The following SLC2A13 variants were observed in gnomAD, a reference collection of about 807,000 sequenced individuals.
SLC2A13 encodes the protein solute carrier family 2 member 13.
In SLC2A13, 32 loss-of-function variants were observed where a neutral mutation model predicts 64.4. That is an observed-to-expected ratio of 0.50 (90% CI 0.37 to 0.67). The LOEUF (loss-of-function observed/expected upper bound fraction) is 0.67. SLC2A13 is among the 30% of genes least tolerant of loss of function. The pLI, the probability that SLC2A13 is intolerant of heterozygous loss-of-function variation, is 0.00. For synonymous variants in SLC2A13, 338 were observed against 327.1 expected (o/e 1.03, Z -0.36); for missense variants, 743 against 829.2 (o/e 0.90, Z 1.28).
rs376007519 is a variant in SLC2A13, at chr12:39,830,077, T to C, written c.1445+26A>G. 372 of 1,612,888 alleles carry C rather than the reference T, an allele frequency of 2.3e-4. 2 individuals are homozygous for C. In the South Asian group the frequency reaches 2.4e-3, roughly 10 times the overall value. On this transcript the variant is annotated intron_variant, in intron 7 of 9. Coordinates refer to ENST00000280871, the MANE Select transcript of SLC2A13 (RefSeq NM_052885.4). ...CCTCGTTTTGAAATATTATTATATA[T>C]TCGTATGGTAAAATGAGTGATATAC...
intron 1 of SLC2A13, among the ~76,000 whole-genome samples, chr12:40,058,554 G>A (rs1948369705): frequency 6.6e-6 from 1 of 152,014 alleles, no homozygotes. Context: ...AAAAAAGAGA[G>A]GGAACGTCAT....
intron 7 of SLC2A13, among the ~76,000 whole-genome samples, chr12:39,797,803 C>T (rs75429034): frequency 0.025 from 3,844 of 151,302 alleles, 160 homozygotes; most frequent in African/African-American, 0.088. Context: ...GAAAACCGGT[C>T]GTAATTCAAC....
At chr12:39,761,781 G>A (rs1318114434) in intron 9 of SLC2A13, among the ~76,000 whole-genome samples, 1 of 152,010 alleles carries the variant, frequency 6.6e-6, no homozygotes, top group Non-Finnish European at 1.5e-5. Context: ...AGTACAGATG[G>A]TAAAACATTT....
In SLC2A13 at chr12:39,907,639, A is replaced by G. The variant is rs527814258; in HGVS notation, c.1035-35678T>C. On this transcript the variant is annotated intron_variant, in intron 4 of 9. Coordinates refer to ENST00000280871, the MANE Select transcript of SLC2A13 (RefSeq NM_052885.4). ...TACAATTCCTCTACCCATAGATTAC[A>G]ATTCACCTACCCATTACTTTGGAAA... is the stretch of plus-strand genomic sequence containing the variant. 2.6e-5 allele frequency: 4 copies of G among 152,272 alleles called. No individual in the cohort carries two copies. The East Asian group carries it at 7.7e-4, about 29-fold the overall frequency. The allele number at this position is 152,272 out of a possible 1,614,324, so 9.4% of individuals were successfully genotyped here. A position where few individuals can be genotyped will look rare whatever the true frequency, so the allele number is the denominator to read the frequency against.
At chr12:39,816,419 G>A (rs1358913728) in intron 7 of SLC2A13, among the ~76,000 whole-genome samples, 18 of 134,746 alleles carry the variant, frequency 1.3e-4, no homozygotes, top group Admixed American at 1.2e-3. Context: ...ATCACACCCC[G>A]GGGCCTGTTG....
chr12:40,076,817 G>C (rs1412251717), intron 1 of SLC2A13, among the ~76,000 whole-genome samples: 1 of 151,716 alleles, frequency 6.6e-6, no homozygotes, highest in African/African-American at 2.4e-5. Flanking sequence ...CATGTTTTTC[G>C]TATGCTTTTT....
intron 3 of SLC2A13, among the ~76,000 whole-genome samples, chr12:39,993,916 A>G (rs1947180556): frequency 6.6e-6 from 1 of 152,222 alleles, no homozygotes; most frequent in Non-Finnish European, 1.5e-5. Context: ...CTAATTGAAA[A>G]GCAAGGAGCA....
At chr12:39,827,537 T>C (rs1942729834) in intron 7 of SLC2A13, among the ~76,000 whole-genome samples, 1 of 152,180 alleles carries the variant, frequency 6.6e-6, no homozygotes, top group African/African-American at 2.4e-5. Flanking sequence ...CACTCTTTTG[T>C]GACGCTTGGG....
At chr12:39,961,774 TA>T (rs1946418015) in intron 3 of SLC2A13, among the ~76,000 whole-genome samples, 1 of 151,214 alleles carries the variant, frequency 6.6e-6, no homozygotes, top group Admixed American at 6.6e-5. Context: ...GCGCTGTGAT[TA>T]CAGGTGTGAG....
At chr12:39,763,816 C>T (rs1940250932) in intron 9 of SLC2A13, among the ~76,000 whole-genome samples, 3 of 152,222 alleles carry the variant, frequency 2.0e-5, no homozygotes, top group South Asian at 2.1e-4. Context: ...TTTCCTGACT[C>T]AGCCACTAAG....
intron 1 of SLC2A13, among the ~76,000 whole-genome samples, chr12:40,095,612 A>C (rs1938912046): frequency 6.6e-6 from 1 of 152,252 alleles, no homozygotes; most frequent in African/African-American, 2.4e-5. Context: ...AAAATTACAT[A>C]TTGCATATCT....
At chr12:39,773,430 A>C (rs146201033) in intron 7 of SLC2A13, among the ~76,000 whole-genome samples, 117 of 152,308 alleles carry the variant, frequency 7.7e-4, no homozygotes, top group Middle Eastern at 6.8e-3. Flanking sequence ...ACATGTAGAA[A>C]TTAACAGCTC....
At chr12:40,072,747 T>C (rs1191803570) in intron 1 of SLC2A13, among the ~76,000 whole-genome samples, 2 of 152,114 alleles carry the variant, frequency 1.3e-5, no homozygotes, top group African/African-American at 4.8e-5. Context: ...TTTTAATCCA[T>C]GTGTATTTAT....
chr12:39,844,166 T>C (rs1943248536), intron 6 of SLC2A13, among the ~76,000 whole-genome samples: 1 of 152,094 alleles, frequency 6.6e-6, no homozygotes, highest in South Asian at 2.1e-4. Context: ...CTCCTTCCAA[T>C]ATAGTTAACT....
chr12:39,918,012 T>G (rs1309788640), intron 4 of SLC2A13, among the ~76,000 whole-genome samples: 2 of 152,066 alleles, frequency 1.3e-5, no homozygotes, highest in African/African-American at 2.4e-5. Flanking sequence ...TGATTGACAA[T>G]GAGGAAATGT....
In SLC2A13 at chr12:39,896,395, T is replaced by C. The variant is rs991372065; in HGVS notation, c.1035-24434A>G. On this transcript the variant is annotated intron_variant, in intron 4 of 9. Coordinates refer to ENST00000280871, the MANE Select transcript of SLC2A13 (RefSeq NM_052885.4). ...ATACATATATGTATGTATATGTGTA[T>C]ATATGTATACATATATGTATGTATA... 2.2e-5 allele frequency among the ~76,000 whole-genome samples: 3 copies of C among 136,192 alleles called. No homozygotes were observed. In the South Asian group the frequency reaches 6.6e-4, roughly 30 times the overall value. 89.3% of individuals were successfully genotyped at this position (136,192 alleles called of 152,430 possible).
In SLC2A13 at chr12:40,028,472, G is replaced by C; in HGVS notation, c.754C>G (p.Gln252Glu). 1.2e-6 allele frequency: 2 copies of C among 1,613,898 alleles called. No individual in the cohort carries two copies. Among genetic ancestry groups the C allele is most frequent in the Non-Finnish European group, 1.7e-6 (2 of 1,179,922 alleles). Residue 252 changes from glutamine to glutamate, a missense_variant, in exon 3 of 10, where the codon CAG (glutamine) becomes GAG (glutamate). This residue lies in a region of SLC2A13 where 448 missense variants were observed against 447.4 expected (regional missense o/e 1.00). Transcript: ENST00000280871. ...LGLAAVPAVI[Q>E]FFGFLFLPES... ...GGCAAAAAGAGAAAGCCAAAAAACTGTATAACCGCCGGAACTGCTGCAAGT... is the reference window on the plus strand; with the variant it reads ...GGCAAAAAGAGAAAGCCAAAAAACTCTATAACCGCCGGAACTGCTGCAAGT...
chr12:39,908,637 A>T (rs1294665640), intron 4 of SLC2A13, among the ~76,000 whole-genome samples: 1 of 151,904 alleles, frequency 6.6e-6, no homozygotes, highest in African/African-American at 2.4e-5. Flanking sequence ...TGAAAGTCAT[A>T]AGGAAGAAAC....
intron 3 of SLC2A13, among the ~76,000 whole-genome samples, chr12:39,991,900 C>G (rs1947144693): frequency 6.6e-6 from 1 of 152,110 alleles, no homozygotes; most frequent in African/African-American, 2.4e-5. Context: ...CCTTATAGCT[C>G]ACACATCCTG....
Sources: allele counts gnomAD v4.1 joint callset (sites outside exome capture counted in the v4.1 genomes callset), GRCh38; gene constraint gnomAD v4.1.1; regional missense constraint gnomAD v4.1.1; transcripts MANE v1.5; gene names NCBI Gene and HGNC (gene_info 2026-07-23, HGNC 2026-07-21).